LINGO2: variants seen among roughly 807,000 people sequenced by gnomAD.
LINGO2 encodes leucine-rich repeat and immunoglobulin-like domain-containing nogo receptor-interacting protein 2.
Under a neutral mutation model 30.6 loss-of-function variants are expected in LINGO2, and 14 were observed. The ratio of observed to expected loss-of-function variants is 0.46; its 90% CI spans 0.30 to 0.72. The LOEUF (loss-of-function observed/expected upper bound fraction) is 0.72, where lower values mean the gene tolerates loss of function less well. LINGO2 is among the 30% of genes least tolerant of loss of function. LINGO2 has a pLI of 0.07. For synonymous variants in LINGO2, 317 were observed against 288.5 expected (o/e 1.10, Z -1.00); for missense variants, 729 against 751.7 (o/e 0.97, Z 0.35).
chr9:28,847,981 G>A, the LINGO2 span, among the ~76,000 whole-genome samples: 2 of 87,850 alleles, frequency 2.3e-5, no homozygotes, highest in South Asian at 7.1e-4. Context: ...GTATATATGT[G>A]TATATATGTA....
intron 1 of LINGO2, among the ~76,000 whole-genome samples, chr9:28,644,684 G>T (rs1040904002): frequency 2.0e-5 from 3 of 151,770 alleles, no homozygotes; most frequent in Non-Finnish European, 2.9e-5. Context: ...TAAGTAAAAG[G>T]GTATAATTGG....
intron 2 of LINGO2, among the ~76,000 whole-genome samples, chr9:28,405,326 G>A (rs1188112585): frequency 6.6e-6 from 1 of 151,890 alleles, no homozygotes; most frequent in Non-Finnish European, 1.5e-5. Flanking sequence ...AATAGAATTG[G>A]GTCCTTCAAA....
rs539288161 is a variant in LINGO2, at chr9:28,145,879, G to A, written c.-86-133474C>T. On this transcript the variant is annotated intron_variant, in intron 4 of 5. Coordinates refer to ENST00000379992, the Ensembl canonical transcript of LINGO2. ...CTCAATACTCCAGGATTACTTGATCGAAATTCTTCCCCTTAAGACCGCTTC... is the reference window on the plus strand; with the variant it reads ...CTCAATACTCCAGGATTACTTGATCAAAATTCTTCCCCTTAAGACCGCTTC... 9.2e-5 allele frequency among the ~76,000 whole-genome samples: 14 copies of A among 152,162 alleles called. No individual in the cohort carries two copies. In the East Asian group the frequency reaches 2.3e-3, roughly 25 times the overall value.
chr9:28,150,003 G>A (rs1183020206), intron 4 of LINGO2, among the ~76,000 whole-genome samples: 4 of 150,962 alleles, frequency 2.6e-5, no homozygotes, highest in Non-Finnish European at 5.9e-5. Flanking sequence ...TGTCCTGTCT[G>A]CGAAGTGAGG....
intron 5 of LINGO2, among the ~76,000 whole-genome samples, chr9:28,005,052 T>G (rs1196467331): frequency 6.6e-6 from 1 of 152,192 alleles, no homozygotes; most frequent in Non-Finnish European, 1.5e-5. Flanking sequence ...TACCCATAAT[T>G]AGGCAGTACA....
In LINGO2 at chr9:28,097,363, C is replaced by G. The variant is rs1826274895; in HGVS notation, c.-86-84958G>C. Among the ~76,000 whole-genome samples, 8 of 150,916 alleles carry G rather than the reference C, an allele frequency of 5.3e-5. No individual in the cohort carries two copies. In the South Asian group the frequency reaches 1.7e-3, roughly 32 times the overall value. On this transcript the variant is annotated intron_variant, in intron 4 of 5. Transcript: ENST00000379992. ...TATACCCAAAGGACTACAAATCATG[C>G]TGCTATAAAGACACATGCACACGTA...
At chr9:28,668,593 A>C (rs144120051) in intron 1 of LINGO2, among the ~76,000 whole-genome samples, 8 of 152,230 alleles carry the variant, frequency 5.3e-5, no homozygotes, top group Admixed American at 5.2e-4. Context: ...ACATCTAAAA[A>C]CAACTAGTGT....
At chr9:27,940,565 A>T in the LINGO2 span, 1 of 152,340 alleles carries the variant, frequency 6.6e-6, no homozygotes, top group South Asian at 2.1e-4. Context: ...AGAAAAGAAT[A>T]TAGGGTTGTA....
chr9:28,375,542 T>C (rs537910432), intron 2 of LINGO2, among the ~76,000 whole-genome samples: 22 of 152,296 alleles, frequency 1.4e-4, no homozygotes, highest in Non-Finnish European at 2.2e-4. Context: ...AGTGGGTACA[T>C]AGTCAGGAGA....
At chr9:28,552,344 C>G (rs1483967513) in intron 1 of LINGO2, among the ~76,000 whole-genome samples, 1 of 152,016 alleles carries the variant, frequency 6.6e-6, no homozygotes, top group Non-Finnish European at 1.5e-5. Flanking sequence ...AAGAAAATAA[C>G]TGCACGGGAG....
the LINGO2 span, among the ~76,000 whole-genome samples, chr9:28,958,118 C>T: frequency 6.6e-6 from 1 of 152,062 alleles, no homozygotes. Context: ...TCAGTGCAAT[C>T]GTAGTAGCCA....
intron 1 of LINGO2, among the ~76,000 whole-genome samples, chr9:28,660,401 G>A (rs1828542952): frequency 6.6e-6 from 1 of 151,896 alleles, no homozygotes; most frequent in African/African-American, 2.4e-5. Flanking sequence ...ATAAAAATAT[G>A]GTAGCATTTG....
chr9:28,558,907 A>G (rs769483679), intron 1 of LINGO2, among the ~76,000 whole-genome samples: 12 of 152,032 alleles, frequency 7.9e-5, no homozygotes, highest in Non-Finnish European at 1.6e-4. Flanking sequence ...ATAAAAACCT[A>G]TTTGATGATG....
At chr9:28,277,837 C>CAAAAAAAAAAAAAAAA (rs765748438) in intron 4 of LINGO2, among the ~76,000 whole-genome samples, 3 of 107,988 alleles carry the variant, frequency 2.8e-5, no homozygotes, top group African/African-American at 1.1e-4. Flanking sequence ...CAAAACAAAA[C>CAAAAAAAAAAAAAAAA]AAAAAAAAAA....
At chr9:28,760,957 TACAC>T in the LINGO2 span, among the ~76,000 whole-genome samples, 444 of 148,974 alleles carry the variant, frequency 3.0e-3, 2 homozygotes, top group African/African-American at 0.01. Flanking sequence ...CACACACACA[TACAC>T]ACACACACAC....
chr9:28,518,913 G>GATTT (rs1204808737), intron 1 of LINGO2, among the ~76,000 whole-genome samples: 2 of 152,080 alleles, frequency 1.3e-5, no homozygotes, highest in East Asian at 3.8e-4. Context: ...TACTGGCCTG[G>GATTT]ATTTATCTAA....
At chr9:28,493,426 C>G (rs1046954762) in intron 1 of LINGO2, among the ~76,000 whole-genome samples, 45 of 152,188 alleles carry the variant, frequency 3.0e-4, no homozygotes, top group African/African-American at 1.0e-3. Context: ...GCTAAGGATA[C>G]CACAGACATC....
chr9:28,212,213 C>T (rs920338864), intron 4 of LINGO2, among the ~76,000 whole-genome samples: 1 of 151,340 alleles, frequency 6.6e-6, no homozygotes, highest in Non-Finnish European at 1.5e-5. Flanking sequence ...ACAACACCAT[C>T]GTGAACAGGA....
intron 5 of LINGO2, among the ~76,000 whole-genome samples, chr9:27,968,554 A>T (rs903927260): frequency 6.6e-6 from 1 of 152,018 alleles, no homozygotes; most frequent in African/African-American, 2.4e-5. Context: ...AGATTGTGCT[A>T]TAGGTATTAG....
Sources: allele counts gnomAD v4.1 joint callset (sites outside exome capture counted in the v4.1 genomes callset), GRCh38; gene constraint gnomAD v4.1.1; transcripts MANE v1.5; gene names NCBI Gene and HGNC (gene_info 2026-07-23, HGNC 2026-07-21).